TLN2: variants seen among roughly 807,000 people sequenced by gnomAD.
The protein encoded by TLN2 is talin 2.
A neutral mutation model predicts 294.7 loss-of-function variants in TLN2; 118 were observed. That is an observed-to-expected ratio of 0.40 (90% CI 0.34 to 0.47). TLN2 has a LOEUF of 0.47. Ranked by LOEUF, TLN2 falls within the 20% of genes least tolerant of loss-of-function variation. The pLI is 0.84. For synonymous variants in TLN2, 1,431 were observed against 1,304.5 expected (o/e 1.10, Z -2.09); for missense variants, 3,083 against 3,282.2 (o/e 0.94, Z 1.48).
At chr15:62,792,883 C>G (rs2141119372) in intron 46 of TLN2, 96 bp downstream of exon 46, 1 of 1,532,092 alleles carries the variant, frequency 6.5e-7, no homozygotes, top group Admixed American at 2.2e-5. Flanking sequence ...TCAGCCAAAA[C>G]TAACCCAGCT....
chr15:62,429,905 G>C (rs779761537), intron 1 of TLN2, among the ~76,000 whole-genome samples: 2 of 152,140 alleles, frequency 1.3e-5, no homozygotes, highest in African/African-American at 2.4e-5. Flanking sequence ...CAGCCTGTAC[G>C]TGACTTATCC....
rs372113530 is a variant in TLN2 at position 62,769,927 on chromosome 15, C to G, written c.5197-1037C>G. Among the ~76,000 whole-genome samples the G allele has an allele frequency of 4.3e-4, 65 of 152,332 alleles. No individual in the cohort carries two copies. In the Middle Eastern group the frequency reaches 0.01, roughly 24 times the overall value. On this transcript the variant is annotated intron_variant, in intron 41 of 58. Transcript: ENST00000636159. ...GATAGATTCTGAGAGGGGATAGATT[C>G]TGGTGTCTGAAGTGAATATAGCAAA...
chr15:62,599,417 T>C (rs1260470184), intron 2 of TLN2, among the ~76,000 whole-genome samples: 1 of 152,246 alleles, frequency 6.6e-6, no homozygotes, highest in Non-Finnish European at 1.5e-5. Context: ...CGGGATAGAA[T>C]GCTGAGCAAA....
intron 9 of TLN2, among the ~76,000 whole-genome samples, chr15:62,669,876 A>C (rs886408010): frequency 6.6e-6 from 1 of 152,106 alleles, no homozygotes; most frequent in Non-Finnish European, 1.5e-5. Context: ...CACACTATTC[A>C]TATCTTAAAA....
At chr15:62,793,780 C>T (rs1048170650) in intron 46 of TLN2, among the ~76,000 whole-genome samples, 1 of 149,200 alleles carries the variant, frequency 6.7e-6, no homozygotes, top group Non-Finnish European at 1.5e-5. Context: ...GTGGCTTTTC[C>T]CCTTCCCTTA....
At position 62,750,624 on chromosome 15, in the gene TLN2, T is replaced by A. The variant is rs2140994176; in HGVS notation, c.4209+133T>A. 3 of 743,088 alleles carry A rather than the reference T, an allele frequency of 4.0e-6. No homozygotes were observed. The South Asian group carries it at 4.9e-5, about 12-fold the overall frequency. The allele number at this position is 743,088 out of a possible 1,614,324, so 46.0% of individuals were successfully genotyped here. A position where few individuals can be genotyped will look rare whatever the true frequency, so the allele number is the denominator to read the frequency against. ...CCACATGTAGCATGAAGCCTATTTG[T>A]GGAGCCCTTTGCTCAGGAGCTTCTC... On this transcript the variant is annotated intron_variant, in intron 34 of 58. Coordinates refer to ENST00000636159, the MANE Select transcript of TLN2 (RefSeq NM_015059.3).
intron 15 of TLN2, among the ~76,000 whole-genome samples, chr15:62,698,320 G>A (rs893589435): frequency 1.3e-5 from 2 of 152,194 alleles, no homozygotes; most frequent in Admixed American, 6.5e-5. Context: ...GAAAGCTCAG[G>A]AACAACACTT....
intron 3 of TLN2, among the ~76,000 whole-genome samples, chr15:62,642,701 G>GTTT (rs1355609761): frequency 1.5e-4 from 21 of 140,662 alleles, no homozygotes; most frequent in African/African-American, 3.9e-4. Flanking sequence ...TTTGTTTTCT[G>GTTT]TTTTTTTTTT....
chr15:62,787,359 G>A (rs558444919), intron 45 of TLN2, among the ~76,000 whole-genome samples: 4 of 152,250 alleles, frequency 2.6e-5, no homozygotes, highest in African/African-American at 7.2e-5. Context: ...GAGGCAGTGA[G>A]GAAAGGCGAT....
intron 28 of TLN2, among the ~76,000 whole-genome samples, chr15:62,731,102 G>T (rs1392921504): frequency 1.3e-5 from 2 of 151,928 alleles, no homozygotes; most frequent in Non-Finnish European, 2.9e-5. Flanking sequence ...GATTTTAATT[G>T]TAAGTATCAT....
chr15:62,601,760 G>A (rs2047028390), intron 2 of TLN2, among the ~76,000 whole-genome samples: 1 of 152,006 alleles, frequency 6.6e-6, no homozygotes, highest in Admixed American at 6.5e-5. Context: ...TTGGAAAGTC[G>A]GGATAAATAT....
intron 21 of TLN2, 142 bp downstream of exon 21, chr15:62,708,938 C>A: frequency 9.9e-7 from 1 of 1,007,202 alleles, no homozygotes; most frequent in Non-Finnish European, 1.4e-6. Context: ...CCCACTGAAG[C>A]TCAGAAAAAG....
intron 1 of TLN2, among the ~76,000 whole-genome samples, chr15:62,403,092 G>T (rs1347294123): frequency 6.6e-6 from 1 of 152,018 alleles, no homozygotes; most frequent in East Asian, 1.9e-4. Context: ...ACAAAAATTG[G>T]CTGGGCATGG....
intron 1 of TLN2, among the ~76,000 whole-genome samples, chr15:62,466,756 C>T (rs941263719): frequency 5.3e-5 from 8 of 152,190 alleles, no homozygotes; most frequent in East Asian, 1.9e-4. Context: ...TGTATTAAAC[C>T]GCCTTGTGTT....
intron 36 of TLN2, chr15:62,755,239 T>G: frequency 3.3e-6 from 1 of 299,960 alleles, no homozygotes; most frequent in East Asian, 7.0e-5. Flanking sequence ...GGACCTCCTA[T>G]CTGGGGTTCC....
Position 62,638,424 on chromosome 15 carries a change from G to A in TLN2, c.-36-8851G>A, listed in dbSNP as rs577902854. 260 of 421,970 alleles carry A rather than the reference G, an allele frequency of 6.2e-4. 2 individuals carry two copies. The highest frequency in any genetic ancestry group is 2.7e-4 in the Non-Finnish European group (57 of 212,704). The allele number at this position is 421,970 out of a possible 1,614,324, so 26.1% of individuals were successfully genotyped here. On this transcript the variant is annotated intron_variant, in intron 3 of 58. Transcript: ENST00000636159. ...CTTTATGACCAACAATATACTTAAT[G>A]ATGGAATTCCAGGTGCCAGTGCCAA...
At chr15:62,516,554 A>G (rs957080741) in intron 1 of TLN2, among the ~76,000 whole-genome samples, 1 of 152,164 alleles carries the variant, frequency 6.6e-6, no homozygotes, top group South Asian at 2.1e-4. Flanking sequence ...AATTATCTCA[A>G]ATCTTTTGAT....
intron 2 of TLN2, among the ~76,000 whole-genome samples, chr15:62,601,317 G>C (rs1041393571): frequency 6.6e-5 from 10 of 152,182 alleles, no homozygotes; most frequent in African/African-American, 2.4e-4. Context: ...AATGTCAATT[G>C]TGCCAAGGTT....
At chr15:62,700,948 G>C (rs560517491) in intron 16 of TLN2, among the ~76,000 whole-genome samples, 158 bp from the exon 17 acceptor site, 1 of 152,320 alleles carries the variant, frequency 6.6e-6, no homozygotes, top group East Asian at 1.9e-4. Flanking sequence ...TAAGAGGCCT[G>C]TTAAGGATAC....
Sources: allele counts gnomAD v4.1 joint callset (sites outside exome capture counted in the v4.1 genomes callset), GRCh38; gene constraint gnomAD v4.1.1; transcripts MANE v1.5; gene names NCBI Gene and HGNC (gene_info 2026-07-23, HGNC 2026-07-21).